MID1: variants seen among roughly 807,000 people sequenced by gnomAD.
The protein encoded by MID1 is E3 ubiquitin-protein ligase Midline-1.
MID1 carries 7 observed loss-of-function variants against 40.4 expected under a neutral mutation model. The ratio of observed to expected loss-of-function variants is 0.17; its 90% CI spans 0.10 to 0.33. The LOEUF is 0.33. Among genes scored for constraint, MID1 ranks in the 10% least tolerant of loss-of-function variants. The probability of loss-of-function intolerance (pLI) is 1.00; values close to 1 mark genes in which losing one functional copy is unlikely to be tolerated. For synonymous variants in MID1, 229 were observed against 221.2 expected, an observed-to-expected ratio of 1.04 and a Z score of -0.31; for missense variants, 367 against 558.5, an observed-to-expected ratio of 0.66 and a Z score of 3.46.
intron 3 of MID1, among the ~76,000 whole-genome samples, chrX:10,501,962 G>T (rs1186682570): frequency 8.9e-6 from 1 of 112,115 alleles, no homozygotes; most frequent in Non-Finnish European, 1.9e-5. Context: ...ACATTAAAGG[G>T]ATTTAGTTAC....
upstream of MID1, among the ~76,000 whole-genome samples, chrX:10,622,280 T>TGGAG (rs1250000910): frequency 1.8e-5 from 2 of 111,380 alleles, no homozygotes; most frequent in East Asian, 2.8e-4. Flanking sequence ...CATTAAATAC[T>TGGAG]GGAGCTTAAT....
intron 1 of MID1, among the ~76,000 whole-genome samples, chrX:10,816,672 C>CATAGTGTT (rs2147156023): frequency 8.9e-6 from 1 of 112,191 alleles, no homozygotes; most frequent in Non-Finnish European, 1.9e-5. Context: ...AACTAAATTG[C>CATAGTGTT]ACCTTTAGTG....
chrX:10,582,856 T>C (rs190024156), intron 1 of MID1: 50 of 112,184 alleles, frequency 4.5e-4, no homozygotes, highest in African/African-American at 1.6e-3. Context: ...ACTGGAATGA[T>C]ACAAAGAAGA....
intron 3 of MID1, among the ~76,000 whole-genome samples, chrX:10,510,036 T>A (rs988600960): frequency 1.8e-5 from 2 of 112,025 alleles, no homozygotes; most frequent in African/African-American, 6.5e-5. Flanking sequence ...CAAATTATGA[T>A]CTCATTATTC....
chrX:10,746,632 C>T (rs903875771), intron 1 of MID1, among the ~76,000 whole-genome samples: 3 of 110,970 alleles, frequency 2.7e-5, no homozygotes, highest in Admixed American at 9.6e-5. Flanking sequence ...TTTGGGAATC[C>T]AAATTCTTCT....
intron 1 of MID1, among the ~76,000 whole-genome samples, chrX:10,725,688 G>A (rs1284349247): frequency 9.0e-6 from 1 of 111,173 alleles, no homozygotes; most frequent in Non-Finnish European, 1.9e-5. Flanking sequence ...GTGAAACCCC[G>A]TCTCTACTGA....
chrX:10,495,778 G>A, intron 3 of MID1, 87 bp from the exon 4 acceptor site: 1 of 643,644 alleles, frequency 1.6e-6, no homozygotes, highest in Non-Finnish European at 2.6e-6. Flanking sequence ...GATGTTTCTA[G>A]TAATCTCTGA....
At chrX:10,828,926 G>C (rs1438981920) in intron 1 of MID1, among the ~76,000 whole-genome samples, 5 of 112,281 alleles carry the variant, frequency 4.5e-5, no homozygotes, top group Non-Finnish European at 9.4e-5. Flanking sequence ...CCAATGAAGT[G>C]TGTATTTATG....
At chrX:10,471,738 C>T (rs950344809) in intron 6 of MID1, among the ~76,000 whole-genome samples, 2 of 112,243 alleles carry the variant, frequency 1.8e-5, no homozygotes, top group African/African-American at 6.5e-5. Context: ...AATACTTACT[C>T]TCTCACAATT....
rs1304926102 is a variant in MID1, at chrX:10,499,642, T to TTA, written c.757-3953_757-3952dup. Reference sequence around the variant, plus strand: ...ATGGTGTGAGGGTAGGCTTCTAACTTTATATGGATAGCCAGTTGTCTCAGC... The same window carrying TTA: ...ATGGTGTGAGGGTAGGCTTCTAACTTTATATATGGATAGCCAGTTGTCTCAGC... On this transcript the variant is annotated intron_variant, in intron 3 of 9. Coordinates refer to ENST00000317552, the MANE Select transcript of MID1 (RefSeq NM_000381.4). 2.7e-5 allele frequency among the ~76,000 whole-genome samples: 3 copies of TTA among 111,878 alleles called. No homozygotes were observed. The East Asian group carries it at 8.4e-4, about 31-fold the overall frequency.
intron 1 of MID1, among the ~76,000 whole-genome samples, chrX:10,571,124 A>G (rs1739734043): frequency 8.9e-6 from 1 of 112,251 alleles, no homozygotes; most frequent in Admixed American, 9.4e-5. Flanking sequence ...TCAAAACTAG[A>G]TATTTTCTTT....
At chrX:10,586,905 C>T (rs997858863) in intron 1 of MID1, among the ~76,000 whole-genome samples, 6 of 112,467 alleles carry the variant, frequency 5.3e-5, no homozygotes, top group African/African-American at 1.9e-4. Context: ...TCAGGTAGCC[C>T]CAGGGCTGGG....
chrX:10,473,801 G>A lies in MID1; in HGVS notation c.1141+822C>T, dbSNP rs192445465. Among the ~76,000 whole-genome samples the A allele has an allele frequency of 6.2e-5, 7 of 112,408 alleles. No individual in the cohort carries two copies. In the Admixed American group the frequency reaches 6.6e-4, roughly 11 times the overall value. ...GAATAAGGTTGTCTAAACAGTCCAG[G>A]TTCTACCAGTGAATATTCTCAGTTC... On this transcript the variant is annotated intron_variant, in intron 6 of 9. Coordinates refer to ENST00000317552, the MANE Select transcript of MID1 (RefSeq NM_000381.4).
At chrX:10,510,210 C>A (rs1016418669) in intron 3 of MID1, among the ~76,000 whole-genome samples, 1 of 111,453 alleles carries the variant, frequency 9.0e-6, no homozygotes, top group South Asian at 3.8e-4. Context: ...TTTTAAATTG[C>A]GGTAAAATTT....
chrX:10,686,700 G>C (rs1407894940), intron 1 of MID1, among the ~76,000 whole-genome samples: 2 of 112,235 alleles, frequency 1.8e-5, no homozygotes, highest in Non-Finnish European at 3.8e-5. Flanking sequence ...TCAGTAAAGA[G>C]AAGGGGGAAG....
chrX:10,609,316 T>C (rs1935685479), intron 1 of MID1, among the ~76,000 whole-genome samples: 1 of 111,922 alleles, frequency 8.9e-6, no homozygotes, highest in Non-Finnish European at 1.9e-5. Context: ...GAAATGTCCA[T>C]AAAACCCAGC....
At chrX:10,674,497 T>G (rs2043008745) in intron 1 of MID1, among the ~76,000 whole-genome samples, 1 of 112,080 alleles carries the variant, frequency 8.9e-6, no homozygotes, top group Non-Finnish European at 1.9e-5. Context: ...AATAAATATA[T>G]GCCAGATTAA....
intron 2 of MID1, among the ~76,000 whole-genome samples, chrX:10,529,758 G>C (rs1932910720): frequency 8.9e-6 from 1 of 111,801 alleles, no homozygotes; most frequent in Admixed American, 9.5e-5. Context: ...CAAAAAGAGA[G>C]TATAATAAAG....
At chrX:10,619,829 G>A (rs988751733) in intron 1 of MID1, among the ~76,000 whole-genome samples, 14 of 111,776 alleles carry the variant, frequency 1.3e-4, no homozygotes, top group Non-Finnish European at 3.8e-5. Flanking sequence ...CGCCTTCTCC[G>A]CCAGAAACAC....
Sources: allele counts gnomAD v4.1 joint callset (sites outside exome capture counted in the v4.1 genomes callset), GRCh38; gene constraint gnomAD v4.1.1; transcripts MANE v1.5; gene names NCBI Gene and HGNC (gene_info 2026-07-23, HGNC 2026-07-21).